GALNT17: variants seen among roughly 807,000 people sequenced by gnomAD.
The protein encoded by GALNT17 is polypeptide N-acetylgalactosaminyltransferase 17.
Under a neutral mutation model 63.7 loss-of-function variants are expected in GALNT17, and 29 were observed. The ratio of observed to expected loss-of-function variants is 0.46; its 90% confidence interval spans 0.34 to 0.62. GALNT17 has a LOEUF of 0.62. Among genes scored for constraint, GALNT17 ranks in the 20% least tolerant of loss-of-function variants. The probability of loss-of-function intolerance (pLI) is 0.01; values close to 1 mark genes in which losing one functional copy is unlikely to be tolerated. For missense variants in GALNT17, 603 were observed against 799.6 expected, an observed-to-expected ratio of 0.75 and a Z score of 2.97; for synonymous variants, 305 against 318.3, an observed-to-expected ratio of 0.96 and a Z score of 0.45.
At chr7:71,373,714 C>A (rs536234039) in intron 2 of GALNT17, among the ~76,000 whole-genome samples, 6 of 152,204 alleles carry the variant, frequency 3.9e-5, no homozygotes, top group African/African-American at 1.4e-4. Flanking sequence ...GAATCTAATG[C>A]CTGATGATCT....
At chr7:71,699,595 C>T (rs559592185) in intron 9 of GALNT17, among the ~76,000 whole-genome samples, 2 of 152,070 alleles carry the variant, frequency 1.3e-5, no homozygotes, top group East Asian at 3.9e-4. Context: ...GGGGTAACCT[C>T]GTTAATATCA....
chr7:71,595,501 G>A (rs1021387761), intron 6 of GALNT17, among the ~76,000 whole-genome samples: 6 of 151,960 alleles, frequency 3.9e-5, no homozygotes, highest in African/African-American at 1.5e-4. Flanking sequence ...TACCCTGGAA[G>A]ATTTAAACAG....
At chr7:71,217,286 T>G (rs1789503027) in intron 1 of GALNT17, among the ~76,000 whole-genome samples, 1 of 151,968 alleles carries the variant, frequency 6.6e-6, no homozygotes, top group Non-Finnish European at 1.5e-5. Flanking sequence ...TTTTTTTTCT[T>G]TCTTTTTTTT....
intron 2 of GALNT17, among the ~76,000 whole-genome samples, chr7:71,358,632 T>C (rs987700157): frequency 6.6e-6 from 1 of 152,254 alleles, no homozygotes; most frequent in Non-Finnish European, 1.5e-5. Context: ...TGGTAGTTTG[T>C]GGTTTTCTAC....
chr7:71,517,024 T>A (rs184026913), intron 5 of GALNT17, among the ~76,000 whole-genome samples: 13 of 152,284 alleles, frequency 8.5e-5, no homozygotes, highest in Admixed American at 8.5e-4. Flanking sequence ...TGCTCAGAGC[T>A]TGAAGTCACC....
At chr7:71,154,034 T>G (rs987541496) in intron 1 of GALNT17, among the ~76,000 whole-genome samples, 19 of 152,214 alleles carry the variant, frequency 1.2e-4, no homozygotes, top group African/African-American at 4.3e-4. Flanking sequence ...TGCGCTGGCC[T>G]CCGTGACTTG....
At chr7:71,215,104 T>G (rs1448609183) in intron 1 of GALNT17, among the ~76,000 whole-genome samples, 1 of 152,222 alleles carries the variant, frequency 6.6e-6, no homozygotes, top group Non-Finnish European at 1.5e-5. Flanking sequence ...TAACCTTGAT[T>G]GATTTTGAAA....
At chr7:71,624,083 T>C (rs765822633) in intron 6 of GALNT17, among the ~76,000 whole-genome samples, 4 of 152,150 alleles carry the variant, frequency 2.6e-5, no homozygotes, top group Non-Finnish European at 5.9e-5. Flanking sequence ...CTTTGCGATG[T>C]CGGCGGCTGT....
chr7:71,633,590 C>G (rs1243427169), intron 6 of GALNT17, among the ~76,000 whole-genome samples: 1 of 152,142 alleles, frequency 6.6e-6, no homozygotes, highest in East Asian at 1.9e-4. Context: ...GATTTCTGTT[C>G]TCTCTGCTAA....
intron 3 of GALNT17, among the ~76,000 whole-genome samples, chr7:71,388,809 G>A (rs1429139483): frequency 6.6e-6 from 1 of 152,034 alleles, no homozygotes; most frequent in Non-Finnish European, 1.5e-5. Flanking sequence ...TTACAGGAGT[G>A]TGCCACCGTG....
At chr7:71,582,338 G>T (rs1789647365) in intron 6 of GALNT17, among the ~76,000 whole-genome samples, 1 of 151,532 alleles carries the variant, frequency 6.6e-6, no homozygotes, top group Non-Finnish European at 1.5e-5. Flanking sequence ...ACTTTGGGAG[G>T]TCAAGACGGG....
intron 9 of GALNT17, among the ~76,000 whole-genome samples, chr7:71,686,893 A>T (rs1791367936): frequency 6.6e-6 from 1 of 152,164 alleles, no homozygotes; most frequent in South Asian, 2.1e-4. Flanking sequence ...TCTGCAAGAA[A>T]TGGCCCTGGA....
At chr7:71,525,736 C>CTTTTTTTTTTTTTTTTTTTTTTTTTTT (rs71089950) in intron 5 of GALNT17, among the ~76,000 whole-genome samples, 1 of 75,062 alleles carries the variant, frequency 1.3e-5, no homozygotes, top group Non-Finnish European at 2.5e-5. Context: ...TATGTCTTTT[C>CTTTTTTTTTTTTTTTTTTTTTTTTTTT]TTTTTTTTTT....
At chr7:71,563,125 C>A (rs1476301148) in intron 5 of GALNT17, among the ~76,000 whole-genome samples, 1 of 152,120 alleles carries the variant, frequency 6.6e-6, no homozygotes, top group Non-Finnish European at 1.5e-5. Flanking sequence ...AATTTCTGTT[C>A]TTCTCTTCTG....
chr7:71,134,575 G>C (rs938366322), intron 1 of GALNT17, among the ~76,000 whole-genome samples: 3 of 152,088 alleles, frequency 2.0e-5, no homozygotes, highest in African/African-American at 7.2e-5. Flanking sequence ...AACTTGCAGG[G>C]TATATGGCCT....
At chr7:71,574,680 G>C (rs1006134331) in intron 6 of GALNT17, among the ~76,000 whole-genome samples, 26 of 152,206 alleles carry the variant, frequency 1.7e-4, no homozygotes, top group Middle Eastern at 6.8e-3. Flanking sequence ...ACCTCACCTG[G>C]GAACTTGTTA....
chr7:71,590,131 C>T (rs1320664702), intron 6 of GALNT17, among the ~76,000 whole-genome samples: 2 of 152,066 alleles, frequency 1.3e-5, no homozygotes, highest in Non-Finnish European at 2.9e-5. Context: ...AATTGGATTT[C>T]CTCATCCATA....
intron 5 of GALNT17, among the ~76,000 whole-genome samples, chr7:71,515,883 G>C (rs1376647770): frequency 6.6e-6 from 1 of 152,112 alleles, no homozygotes; most frequent in African/African-American, 2.4e-5. Flanking sequence ...AAGAGCGGCA[G>C]GGTGGGAAGG....
intron 3 of GALNT17, among the ~76,000 whole-genome samples, chr7:71,409,011 T>TAA (rs1554366748): frequency 1.7e-4 from 13 of 77,892 alleles, no homozygotes; most frequent in African/African-American, 7.0e-4. Context: ...TATATGCACA[T>TAA]ACACAAACAC....
Sources: allele counts gnomAD v4.1 joint callset (sites outside exome capture counted in the v4.1 genomes callset), GRCh38; gene constraint gnomAD v4.1.1; transcripts MANE v1.5; gene names NCBI Gene and HGNC (gene_info 2026-07-23, HGNC 2026-07-21).